NDUFA10: variants seen among roughly 807,000 people sequenced by gnomAD.
The protein encoded by NDUFA10 is NADH:ubiquinone oxidoreductase subunit A10.
In NDUFA10, 40 loss-of-function variants were observed where a neutral mutation model predicts 47.8. That is an observed-to-expected ratio of 0.84 (90% CI 0.65 to 1.09). The LOEUF (loss-of-function observed/expected upper bound fraction) is 1.09. Among genes scored for constraint, NDUFA10 ranks in the 50% least tolerant of loss-of-function variants. The pLI, the probability that NDUFA10 is intolerant of heterozygous loss-of-function variation, is 0.00. For missense variants in NDUFA10, 413 were observed against 451.1 expected (o/e 0.92, Z 0.76); for synonymous variants, 183 against 172.2 (o/e 1.06, Z -0.49).
At chr2:239,990,255 T>G in intron 8 of NDUFA10, 73 bp from the exon 9 acceptor site, 1 of 1,258,880 alleles carries the variant, frequency 7.9e-7, no homozygotes, top group Non-Finnish European at 1.2e-6. Flanking sequence ...TAAGTCCGAT[T>G]TTTTTTAAAC....
chr2:239,923,596 C>T (rs1383470935), intron 4 of NDUFA10, among the ~76,000 whole-genome samples: 1 of 151,826 alleles, frequency 6.6e-6, no homozygotes, highest in African/African-American at 2.4e-5. Flanking sequence ...ACACACACAT[C>T]AAAATTTGTG....
At chr2:239,941,358 T>A (rs1694357350) in intron 4 of NDUFA10, among the ~76,000 whole-genome samples, 2 of 152,184 alleles carry the variant, frequency 1.3e-5, no homozygotes, top group Admixed American at 1.3e-4. Flanking sequence ...CCACGCCCGA[T>A]GATGTGAATG....
At chr2:239,910,306 G>A (rs553619051) in intron 4 of NDUFA10, among the ~76,000 whole-genome samples, 177 of 152,252 alleles carry the variant, frequency 1.2e-3, no homozygotes, top group Admixed American at 1.8e-3. Context: ...CAAAAACATG[G>A]AATCAACCTA....
rs200387097 is a variant in NDUFA10 at position 240,014,786 on chromosome 2, C to T, written c.622G>A (p.Asp208Asn). ...YLPPHLVIYI[D>N]VPVPEVQRRI... ...CTCTGGACCTCTGGAACGGGCACAT[C>T]GATGTAAATCACCAGGTGGGGGGGC... The change falls in exon 5 of 10, where the codon GAT becomes AAT. Residue 208 changes from aspartate (D) to asparagine (N), a missense_variant. By Grantham distance (23) the Asp-to-Asn change is conservative. Coordinates refer to ENST00000252711, the MANE Select transcript of NDUFA10 (RefSeq NM_004544.4). 1.5e-5 allele frequency: 25 copies of T among 1,614,156 alleles called. No individual in the cohort carries two copies. The East Asian group carries it at 2.7e-4, about 17-fold the overall frequency.
At chr2:239,932,288 T>C (rs574190288) in intron 4 of NDUFA10, among the ~76,000 whole-genome samples, 1 of 152,332 alleles carries the variant, frequency 6.6e-6, no homozygotes, top group East Asian at 1.9e-4. Flanking sequence ...CTGAAACCCT[T>C]ATTTTGACAC....
At chr2:239,953,908 CAG>C (rs1463200007), downstream of NDUFA10, among the ~76,000 whole-genome samples, 1 of 152,256 alleles carries the variant, frequency 6.6e-6, no homozygotes, top group Non-Finnish European at 1.5e-5. Flanking sequence ...CCCGCCGCCT[CAG>C]GGCTGTGACA....
chr2:239,983,705 T>A, intron 9 of NDUFA10: 1 of 1,568,688 alleles, frequency 6.4e-7, no homozygotes, highest in South Asian at 1.2e-5. Flanking sequence ...AAACACACAG[T>A]CCAATCTAAT....
At chr2:239,931,162 C>T (rs1010872923) in intron 4 of NDUFA10, among the ~76,000 whole-genome samples, 4 of 152,200 alleles carry the variant, frequency 2.6e-5, no homozygotes, top group Admixed American at 1.3e-4. Context: ...TGGCCACAGG[C>T]ATGAGCTCTT....
At chr2:239,995,960 G>A (rs1696457603) in intron 8 of NDUFA10, among the ~76,000 whole-genome samples, 1 of 152,114 alleles carries the variant, frequency 6.6e-6, no homozygotes, top group South Asian at 2.1e-4. Context: ...TAGAACCCAA[G>A]GGAGAAATAG....
intron 5 of NDUFA10, chr2:240,012,691 CTATCATTCAAAGAATA>C (rs1279308987): frequency 6.6e-6 from 1 of 152,192 alleles, no homozygotes; most frequent in Admixed American, 6.5e-5. Flanking sequence ...AAGAAAAACC[CTATCATTCAAAGAATA>C]TTTACTGAAC....
At position 239,959,802 on chromosome 2, in the gene NDUFA10, G is replaced by A; in HGVS notation, c.*1316C>T. 1 of 838,586 alleles carries A rather than the reference G, an allele frequency of 1.2e-6. No individual in the cohort carries two copies. The highest frequency in any genetic ancestry group is 1.2e-4 in the East Asian group (1 of 8,052). 51.9% of individuals were successfully genotyped at this position (838,586 alleles called of 1,614,324 possible). A position where few individuals can be genotyped will look rare whatever the true frequency, so the allele number is the denominator to read the frequency against. On this transcript the variant is annotated 3_prime_UTR_variant, in exon 10 of 10. Coordinates refer to ENST00000252711, the MANE Select transcript of NDUFA10 (RefSeq NM_004544.4). ...GGAGGAAAACAAGGACAGATGGAAGGAAGAAAGGAAGGGAGGGAAGGAGGA... is the reference window on the plus strand; with the variant it reads ...GGAGGAAAACAAGGACAGATGGAAGAAAGAAAGGAAGGGAGGGAAGGAGGA...
intron 9 of NDUFA10, among the ~76,000 whole-genome samples, chr2:239,968,830 C>T (rs909400401): frequency 2.0e-5 from 3 of 152,108 alleles, no homozygotes; most frequent in Admixed American, 6.5e-5. Flanking sequence ...TGAGAGTCGG[C>T]GAGCTCCCAC....
chr2:240,007,194 A>C (rs114466901), intron 7 of NDUFA10, 122 bp downstream of exon 7: 44 of 765,620 alleles, frequency 5.7e-5, no homozygotes, highest in Non-Finnish European at 8.4e-5. Flanking sequence ...CACTGCTTTC[A>C]GGTGATAAAA....
intron 4 of NDUFA10, among the ~76,000 whole-genome samples, chr2:239,904,461 A>C (rs995002512): frequency 9.9e-5 from 15 of 151,828 alleles, no homozygotes; most frequent in African/African-American, 3.6e-4. Context: ...TGTCCAGCTA[A>C]TATTTGTATT....
At chr2:239,899,377 G>GTGA (rs1224693481) in intron 4 of NDUFA10, among the ~76,000 whole-genome samples, 90 of 110,146 alleles carry the variant, frequency 8.2e-4, no homozygotes, top group African/African-American at 2.6e-3. Flanking sequence ...ATGGAGGGGT[G>GTGA]TGGAGGGGTG....
chr2:239,895,344 G>A, intron 4 of NDUFA10: 1 of 441,852 alleles, frequency 2.3e-6, no homozygotes, highest in Non-Finnish European at 4.8e-6. Context: ...TGACCACAGA[G>A]CATATGAGTG....
At chr2:239,910,133 C>A (rs1432026782) in intron 4 of NDUFA10, among the ~76,000 whole-genome samples, 1 of 152,188 alleles carries the variant, frequency 6.6e-6, no homozygotes, top group Non-Finnish European at 1.5e-5. Flanking sequence ...TAAATTAGTT[C>A]AACCATTGTG....
chr2:240,022,446 T>A (rs1190662767), intron 1 of NDUFA10, 106 bp from the exon 2 acceptor site: 1 of 1,495,454 alleles, frequency 6.7e-7, no homozygotes, highest in Non-Finnish European at 9.1e-7. Flanking sequence ...GTGATAAAAA[T>A]GCCAACATCT....
intron 9 of NDUFA10, among the ~76,000 whole-genome samples, chr2:239,962,241 C>CA (rs1559322336): frequency 8.1e-6 from 1 of 123,304 alleles, no homozygotes; most frequent in Non-Finnish European, 1.8e-5. Flanking sequence ...ACACACACAC[C>CA]CCTTCCAAAT....
Sources: allele counts gnomAD v4.1 joint callset (sites outside exome capture counted in the v4.1 genomes callset), GRCh38; gene constraint gnomAD v4.1.1; transcripts MANE v1.5; gene names NCBI Gene and HGNC (gene_info 2026-07-23, HGNC 2026-07-21).